Variants in EDNRA observed in about 807,000 individuals in gnomAD.
EDNRA encodes endothelin-1 receptor.
Under a neutral mutation model 41.4 loss-of-function variants are expected in EDNRA, and 11 were observed. That is an observed-to-expected ratio of 0.27 (90% CI 0.17 to 0.44). The LOEUF is 0.44. Among genes scored for constraint, EDNRA ranks in the 20% least tolerant of loss-of-function variants. The probability of loss-of-function intolerance (pLI) is 1.00; values close to 1 mark genes in which losing one functional copy is unlikely to be tolerated. For synonymous variants in EDNRA, 172 were observed against 183.0 expected, an observed-to-expected ratio of 0.94 and a Z score of 0.49; for missense variants, 294 against 531.0, an observed-to-expected ratio of 0.55 and a Z score of 4.39.
At chr4:147,522,181 T>C (rs1338414721) in intron 3 of EDNRA, among the ~76,000 whole-genome samples, 2 of 152,178 alleles carry the variant, frequency 1.3e-5, no homozygotes, top group Non-Finnish European at 2.9e-5. Context: ...AATAATAATA[T>C]TTATAATTAT....
chr4:147,496,798 A>G (rs1729314988), intron 2 of EDNRA, among the ~76,000 whole-genome samples: 1 of 152,190 alleles, frequency 6.6e-6, no homozygotes, highest in African/African-American at 2.4e-5. Context: ...ATAGCACTTC[A>G]CTGTGTGAAT....
intron 2 of EDNRA, among the ~76,000 whole-genome samples, chr4:147,498,885 A>G (rs1729407770): frequency 6.6e-6 from 1 of 152,242 alleles, no homozygotes; most frequent in Non-Finnish European, 1.5e-5. Context: ...GATTACAGGC[A>G]TGAGCCACTG....
At chr4:147,542,053 G>A (rs1442712546) in intron 7 of EDNRA, among the ~76,000 whole-genome samples, 2 of 152,010 alleles carry the variant, frequency 1.3e-5, no homozygotes, top group Admixed American at 1.3e-4. Flanking sequence ...TCATAAAATG[G>A]GGGAATAGCA....
chr4:147,536,135 A>G, intron 5 of EDNRA, 106 bp downstream of exon 5: 1 of 1,311,886 alleles, frequency 7.6e-7, no homozygotes, highest in East Asian at 2.3e-5. Context: ...TTCCTAAAAT[A>G]AAAATACTAT....
intron 7 of EDNRA, 149 bp downstream of exon 7, chr4:147,540,634 AAG>A (rs1218515230): frequency 3.3e-6 from 2 of 603,828 alleles, no homozygotes; most frequent in Non-Finnish European, 5.6e-6. Context: ...ATTACCCAGA[AAG>A]AGAGTCAGAT....
intron 2 of EDNRA, among the ~76,000 whole-genome samples, chr4:147,512,204 AAG>A (rs1729954348): frequency 6.6e-6 from 1 of 152,204 alleles, no homozygotes. Flanking sequence ...TCTTACAGCA[AAG>A]AGAGTTATTA....
intron 2 of EDNRA, chr4:147,496,132 G>C (rs1392003422): frequency 6.6e-6 from 1 of 151,996 alleles, no homozygotes; most frequent in Non-Finnish European, 1.5e-5. Context: ...ACAAAATATT[G>C]AATAACACAT....
At chr4:147,511,315 G>A (rs1729914669) in intron 2 of EDNRA, among the ~76,000 whole-genome samples, 2 of 152,128 alleles carry the variant, frequency 1.3e-5, no homozygotes, top group Non-Finnish European at 2.9e-5. Flanking sequence ...TAATTGTGAA[G>A]TTTTATTTTC....
At chr4:147,485,383 G>A (rs191855630) in intron 1 of EDNRA, among the ~76,000 whole-genome samples, 11 of 152,286 alleles carry the variant, frequency 7.2e-5, no homozygotes, top group African/African-American at 2.6e-4. Context: ...AGAGATGATG[G>A]AGATGATGGA....
intron 4 of EDNRA, among the ~76,000 whole-genome samples, chr4:147,533,532 C>T (rs1441747558): frequency 6.6e-6 from 1 of 152,184 alleles, no homozygotes; most frequent in African/African-American, 2.4e-5. Flanking sequence ...GGTATGCTTT[C>T]CCAACTTGGA....
chr4:147,505,634 G>A (rs1288594908), intron 2 of EDNRA, among the ~76,000 whole-genome samples: 1 of 142,640 alleles, frequency 7.0e-6, no homozygotes, highest in Admixed American at 7.0e-5. Context: ...AAGCCACCCT[G>A]CCCCGCCGGC....
intron 6 of EDNRA, 27 bp from the exon 7 acceptor site, chr4:147,540,350 A>G: frequency 6.7e-7 from 1 of 1,501,110 alleles, no homozygotes; most frequent in Non-Finnish European, 9.2e-7. Context: ...TATTCTAATT[A>G]TTCTACACCA....
chr4:147,513,014 C>T (rs1004360754), intron 2 of EDNRA, among the ~76,000 whole-genome samples: 2 of 152,154 alleles, frequency 1.3e-5, no homozygotes, highest in South Asian at 2.1e-4. Context: ...GCTACCAGAA[C>T]GATCTTCATT....
chr4:147,482,938 C>T (rs1335416209), intron 1 of EDNRA, among the ~76,000 whole-genome samples: 1 of 152,136 alleles, frequency 6.6e-6, no homozygotes, highest in Non-Finnish European at 1.5e-5. Context: ...CTGCAAAGGC[C>T]TTCTCTCTCT....
intron 3 of EDNRA, among the ~76,000 whole-genome samples, chr4:147,526,130 T>A (rs955235585): frequency 6.6e-6 from 1 of 152,190 alleles, no homozygotes; most frequent in Non-Finnish European, 1.5e-5. Context: ...GGCAATAGGA[T>A]CTTATTTGGG....
intron 2 of EDNRA, chr4:147,506,397 A>G (rs1444624999): frequency 4.9e-6 from 2 of 410,380 alleles, no homozygotes; most frequent in South Asian, 2.1e-5. Context: ...TGAAAAGTAC[A>G]TGAGATTAAA....
At chr4:147,500,604 G>C (rs907162891) in intron 2 of EDNRA, among the ~76,000 whole-genome samples, 2 of 152,126 alleles carry the variant, frequency 1.3e-5, no homozygotes, top group Non-Finnish European at 1.5e-5. Context: ...TGCAGTCCCA[G>C]CTACTGGAAG....
chr4:147,535,364 G>C (rs755801932), intron 4 of EDNRA, among the ~76,000 whole-genome samples: 40 of 152,158 alleles, frequency 2.6e-4, no homozygotes, highest in Non-Finnish European at 5.3e-4. Context: ...AGGCATACCA[G>C]GCAGAGGGTT....
In EDNRA at chr4:147,542,704, T is replaced by C. The variant is rs999753031; in HGVS notation, c.*86T>C. ...CAACTGTGAGTCCGGGAATCTCTTC[T>C]CTGATCCTTCTTCCTTAATTCACTC... On this transcript the variant is annotated 3_prime_UTR_variant, in exon 8 of 8. Transcript: ENST00000651419. 5.9e-6 allele frequency: 9 copies of C among 1,514,398 alleles called. No individual in the cohort carries two copies. In the African/African-American group the frequency reaches 1.2e-4, roughly 21 times the overall value. The allele number at this position is 1,514,398 out of a possible 1,614,324, so 93.8% of individuals were successfully genotyped here. A position where few individuals can be genotyped will look rare whatever the true frequency, so the allele number is the denominator to read the frequency against.
Sources: allele counts gnomAD v4.1 joint callset (sites outside exome capture counted in the v4.1 genomes callset), GRCh38; gene constraint gnomAD v4.1.1; transcripts MANE v1.5; gene names NCBI Gene and HGNC (gene_info 2026-07-23, HGNC 2026-07-21).